ATP8A2: variants seen among roughly 807,000 people sequenced by gnomAD.
ATP8A2 encodes ATPase phospholipid transporting 8A2, also known as phospholipid-transporting ATPase IB.
Under a neutral mutation model 165.6 loss-of-function variants are expected in ATP8A2, and 100 were observed. That is an observed-to-expected ratio of 0.60 (90% CI 0.51 to 0.71). The LOEUF (loss-of-function observed/expected upper bound fraction) is 0.71. Ranked by LOEUF, ATP8A2 falls within the 30% of genes least tolerant of loss-of-function variation. The probability of loss-of-function intolerance (pLI) is 0.00; values close to 1 mark genes in which losing one functional copy is unlikely to be tolerated. For missense variants in ATP8A2, 1,227 were observed against 1,479.5 expected, an observed-to-expected ratio of 0.83 and a Z score of 2.80; for synonymous variants, 543 against 548.8, an observed-to-expected ratio of 0.99 and a Z score of 0.15.
intron 2 of ATP8A2, among the ~76,000 whole-genome samples, chr13:25,494,645 C>T (rs995571144): frequency 6.6e-6 from 1 of 152,186 alleles, no homozygotes; most frequent in Non-Finnish European, 1.5e-5. Context: ...TTCTGATATT[C>T]ACAGGGCCTT....
intron 25 of ATP8A2, among the ~76,000 whole-genome samples, chr13:25,701,438 G>C (rs114186899): frequency 1.4e-3 from 219 of 152,184 alleles, no homozygotes; most frequent in African/African-American, 5.0e-3. Context: ...CCACACTGGA[G>C]GTTGTTACTG....
chr13:25,825,145 CTTTTTTTTTTTTTT>C (rs60778003), intron 27 of ATP8A2, among the ~76,000 whole-genome samples: 2 of 27,508 alleles, frequency 7.3e-5, no homozygotes, highest in South Asian at 3.9e-3. Flanking sequence ...TATGTGTTTG[CTTTTTTTTTTTTTT>C]TTTTTTTTTT....
intron 33 of ATP8A2, among the ~76,000 whole-genome samples, chr13:25,901,013 A>G (rs186190031): frequency 8.9e-4 from 135 of 152,334 alleles, no homozygotes; most frequent in South Asian, 3.1e-3. Context: ...TCAGAAGCCA[A>G]TGGGCGGTGT....
At chr13:25,927,446 A>G (rs951026834) in intron 33 of ATP8A2, among the ~76,000 whole-genome samples, 5 of 152,202 alleles carry the variant, frequency 3.3e-5, no homozygotes, top group African/African-American at 1.2e-4. Flanking sequence ...CTGGGTCATA[A>G]TGCCAGTTAG....
At chr13:25,854,822 T>C (rs941249505) in intron 30 of ATP8A2, among the ~76,000 whole-genome samples, 5 of 152,252 alleles carry the variant, frequency 3.3e-5, no homozygotes, top group Admixed American at 1.3e-4. Context: ...TATTGGGCTA[T>C]AACTCATATA....
At chr13:25,851,221 A>C (rs1397397266) in intron 30 of ATP8A2, among the ~76,000 whole-genome samples, 1 of 152,238 alleles carries the variant, frequency 6.6e-6, no homozygotes, top group Non-Finnish European at 1.5e-5. Flanking sequence ...TTTAATGCTC[A>C]AATTACCTTG....
intron 1 of ATP8A2, among the ~76,000 whole-genome samples, chr13:25,459,124 C>T (rs1381740417): frequency 6.6e-6 from 1 of 152,144 alleles, no homozygotes; most frequent in Admixed American, 6.6e-5. Context: ...CCATCTCTAC[C>T]CTCCATGGAT....
chr13:25,749,365 G>T (rs563992711), intron 25 of ATP8A2, among the ~76,000 whole-genome samples: 186 of 152,270 alleles, frequency 1.2e-3, no homozygotes, highest in African/African-American at 4.4e-3. Flanking sequence ...AGCATCAGAG[G>T]ACCCCGCCAG....
intron 9 of ATP8A2, among the ~76,000 whole-genome samples, chr13:25,542,407 C>T (rs2038509585): frequency 6.7e-6 from 1 of 150,372 alleles, no homozygotes; most frequent in South Asian, 2.1e-4. Flanking sequence ...TTTTGCTAAC[C>T]ACCTTCTAAG....
chr13:25,680,864 G>C (rs545484534), intron 24 of ATP8A2, among the ~76,000 whole-genome samples: 2 of 152,190 alleles, frequency 1.3e-5, no homozygotes, highest in Admixed American at 6.5e-5. Context: ...GTGGGCGCTT[G>C]GTTTCTTTTA....
At chr13:25,869,979 G>A (rs948382327) in intron 33 of ATP8A2, among the ~76,000 whole-genome samples, 65 of 152,190 alleles carry the variant, frequency 4.3e-4, no homozygotes, top group African/African-American at 1.4e-3. Context: ...TTGGTTTACC[G>A]GAAGAATCAG....
rs71080217 is a variant in ATP8A2 at position 26,025,116 on chromosome 13, C to CAAAAAAAAAAAAAAAAAAA, written c.*5134_*5152dup. The CAAAAAAAAAAAAAAAAAAA allele has an allele frequency of 1.2e-4, 11 of 94,816 alleles. No homozygotes were observed. Among genetic ancestry groups the CAAAAAAAAAAAAAAAAAAA allele is most frequent in the East Asian group, 3.3e-4 (1 of 2,992 alleles). The allele number at this position is 94,816 out of a possible 1,614,324, so 5.9% of individuals were successfully genotyped here. A position where few individuals can be genotyped will look rare whatever the true frequency, so the allele number is the denominator to read the frequency against. On this transcript the variant is annotated 3_prime_UTR_variant, in exon 37 of 37. Transcript: ENST00000381655. The stretch of plus-strand genomic sequence containing the variant: ...GTGAATCAATAAACACCAACAACAA[C>CAAAAAAAAAAAAAAAAAAA]AAAAAAAAAAAAAAAAAAAAAGGAA...
intron 2 of ATP8A2, among the ~76,000 whole-genome samples, chr13:25,479,906 C>G (rs1441485871): frequency 6.6e-6 from 1 of 151,962 alleles, no homozygotes; most frequent in Non-Finnish European, 1.5e-5. Context: ...CACACAGACA[C>G]GGCAACCATC....
chr13:25,644,413 C>T (rs1181980230), intron 24 of ATP8A2, among the ~76,000 whole-genome samples: 1 of 152,014 alleles, frequency 6.6e-6, no homozygotes, highest in African/African-American at 2.4e-5. Flanking sequence ...GGATAAATGC[C>T]ACTTCATCTT....
intron 33 of ATP8A2, among the ~76,000 whole-genome samples, chr13:25,898,527 C>T (rs748744701): frequency 3.3e-5 from 5 of 152,084 alleles, no homozygotes; most frequent in East Asian, 1.9e-4. Flanking sequence ...GCTGCGTGCT[C>T]GGAGAACCAC....
intron 24 of ATP8A2, among the ~76,000 whole-genome samples, chr13:25,667,958 G>A (rs886416495): frequency 6.6e-6 from 1 of 151,944 alleles, no homozygotes; most frequent in Admixed American, 6.6e-5. Flanking sequence ...GTATAGCTCT[G>A]TTCCCCCTTT....
chr13:25,560,777 A>C (rs2039122542), intron 15 of ATP8A2, among the ~76,000 whole-genome samples: 1 of 150,198 alleles, frequency 6.7e-6, no homozygotes, highest in Admixed American at 6.6e-5. Flanking sequence ...GGAAGGTGAG[A>C]GTTTATCTCC....
chr13:25,468,206 A>G (rs951209161), intron 1 of ATP8A2, among the ~76,000 whole-genome samples: 3 of 152,220 alleles, frequency 2.0e-5, no homozygotes, highest in African/African-American at 7.2e-5. Flanking sequence ...CTTGACCCAT[A>G]GGACTGAAAT....
chr13:25,885,105 CTTTTTTTTT>C (rs869044168), intron 33 of ATP8A2, among the ~76,000 whole-genome samples: 2 of 88,566 alleles, frequency 2.3e-5, no homozygotes, highest in East Asian at 3.8e-4. Context: ...TCTCCGCTTG[CTTTTTTTTT>C]TTTTTTTTTT....
Sources: gnomAD v4.1 joint callset for allele counts (sites outside exome capture counted in the v4.1 genomes callset) on GRCh38, gnomAD v4.1.1 for gene constraint, MANE v1.5 for transcripts, NCBI Gene and HGNC (gene_info 2026-07-23, HGNC 2026-07-21) for gene names.